The following EGFR variants were observed in gnomAD, a reference collection of about 807,000 sequenced individuals.
EGFR encodes the protein epidermal growth factor receptor.
Under a neutral mutation model 143.0 loss-of-function variants are expected in EGFR, and 58 were observed. That is an observed-to-expected ratio of 0.41 (90% CI 0.33 to 0.50). The LOEUF is 0.50. Among genes scored for constraint, EGFR ranks in the 20% least tolerant of loss-of-function variants. EGFR has a pLI of 0.39. For synonymous variants in EGFR, 613 were observed against 594.4 expected, an observed-to-expected ratio of 1.03 and a Z score of -0.45; for missense variants, 1,307 against 1,579.0, an observed-to-expected ratio of 0.83 and a Z score of 2.92.
chr7:55,110,218 C>T (rs1052510703), intron 1 of EGFR, among the ~76,000 whole-genome samples: 4 of 152,218 alleles, frequency 2.6e-5, no homozygotes, highest in Non-Finnish European at 1.5e-5. Context: ...AGATTTAAAA[C>T]AGCATAATGG....
chr7:55,029,682 A>G (rs749298688), intron 1 of EGFR, among the ~76,000 whole-genome samples: 144 of 152,166 alleles, frequency 9.5e-4, no homozygotes, highest in Non-Finnish European at 1.8e-3. Flanking sequence ...TGGTGTTGTT[A>G]AGGGAGTTTT....
chr7:55,117,980 A>G (rs1792970702), intron 1 of EGFR, among the ~76,000 whole-genome samples: 1 of 152,210 alleles, frequency 6.6e-6, no homozygotes, highest in African/African-American at 2.4e-5. Flanking sequence ...GGGAATCCAG[A>G]CCAGAGTAGG....
At chr7:55,079,210 G>A (rs1790319955) in intron 1 of EGFR, among the ~76,000 whole-genome samples, 2 of 152,078 alleles carry the variant, frequency 1.3e-5, no homozygotes, top group South Asian at 2.1e-4. Context: ...GATGGGGAAG[G>A]AAAGGTCAGA....
intron 1 of EGFR, among the ~76,000 whole-genome samples, chr7:55,116,247 A>G (rs2128910663): frequency 6.6e-6 from 1 of 152,310 alleles, no homozygotes; most frequent in South Asian, 2.1e-4. Flanking sequence ...CCAGGCCTTC[A>G]CACCTTCTCT....
At chr7:55,090,777 C>G (rs116657547) in intron 1 of EGFR, among the ~76,000 whole-genome samples, 2,285 of 152,248 alleles carry the variant, frequency 0.015, 62 homozygotes, top group African/African-American at 0.052. Flanking sequence ...CATCTTTCTT[C>G]TAAAGACAAT....
intron 1 of EGFR, among the ~76,000 whole-genome samples, chr7:55,050,087 T>C (rs1788401246): frequency 6.6e-6 from 1 of 152,230 alleles, no homozygotes; most frequent in African/African-American, 2.4e-5. Flanking sequence ...TGGCAAAATA[T>C]ACACAACATA....
At chr7:55,166,298 A>G (rs1016672149) in intron 15 of EGFR, 1 of 576,616 alleles carries the variant, frequency 1.7e-6, no homozygotes, top group Admixed American at 2.0e-5. Flanking sequence ...GCTGTCATAT[A>G]GTAGTTCACA....
Position 55,138,502 on chromosome 7 carries a change from A to T in EGFR, c.89-3784A>T, listed in dbSNP as rs74761470. On this transcript the variant is annotated intron_variant, in intron 1 of 27. Transcript: ENST00000275493. The stretch of plus-strand genomic sequence containing the variant: ...TTTCTTCTTTCTTTTCTGGTTTGAT[A>T]AATATTCTATAAAGTAACTGTGTTT... Among the ~76,000 whole-genome samples the T allele has an allele frequency of 8.5e-5, 13 of 152,322 alleles. No homozygotes were observed. In the East Asian group the frequency reaches 2.3e-3, roughly 27 times the overall value.
intron 19 of EGFR, chr7:55,180,045 T>A (rs1786789480): frequency 6.6e-6 from 1 of 152,452 alleles, no homozygotes; most frequent in Admixed American, 6.5e-5. Flanking sequence ...TCCTGTCTCC[T>A]ATCTCCACCC....
chr7:55,175,814 T>C (rs538292451), intron 19 of EGFR, among the ~76,000 whole-genome samples: 1 of 152,332 alleles, frequency 6.6e-6, no homozygotes, highest in East Asian at 1.9e-4. Flanking sequence ...TGTCTTAAGA[T>C]ACAATTTTTT....
chr7:55,091,891 C>CACACACACACA (rs1562706309), intron 1 of EGFR, among the ~76,000 whole-genome samples: 7 of 135,362 alleles, frequency 5.2e-5, no homozygotes, highest in South Asian at 2.3e-4. Context: ...CACACACACA[C>CACACACACACA]CCTGAGAGAG....
At chr7:55,098,732 T>C (rs577161054) in intron 1 of EGFR, among the ~76,000 whole-genome samples, 25 of 152,374 alleles carry the variant, frequency 1.6e-4, no homozygotes, top group African/African-American at 5.8e-4. Flanking sequence ...ATCAAACAGA[T>C]AGTAAGAACA....
chr7:55,020,717 A>G (rs1786514169), intron 1 of EGFR, among the ~76,000 whole-genome samples: 1 of 151,924 alleles, frequency 6.6e-6, no homozygotes, highest in Non-Finnish European at 1.5e-5. Context: ...GTTTAATTGC[A>G]CAATTCCAAC....
chr7:55,205,162 T>C, intron 27 of EGFR, 94 bp from the exon 28 acceptor site: 1 of 1,553,170 alleles, frequency 6.4e-7, no homozygotes, highest in African/African-American at 1.4e-5. Flanking sequence ...ATAAGTCTCC[T>C]TGTTGAGGAC....
At chr7:55,144,758 C>T (rs1794667603) in intron 3 of EGFR, among the ~76,000 whole-genome samples, 1 of 152,130 alleles carries the variant, frequency 6.6e-6, no homozygotes, top group South Asian at 2.1e-4. Flanking sequence ...GCAGCCTGTG[C>T]GGGTGCCTGG....
intron 27 of EGFR, among the ~76,000 whole-genome samples, chr7:55,204,899 CCA>C (rs1459601696): frequency 6.7e-6 from 1 of 150,044 alleles, no homozygotes; most frequent in Non-Finnish European, 1.5e-5. Flanking sequence ...CACACATACA[CCA>C]CACACACGGT....
intron 1 of EGFR, among the ~76,000 whole-genome samples, chr7:55,100,491 G>A (rs1476745588): frequency 6.6e-6 from 1 of 152,244 alleles, no homozygotes; most frequent in Admixed American, 6.5e-5. Flanking sequence ...AGGGAGAAAT[G>A]TCTGCAGGAA....
At chr7:55,093,179 A>C (rs190725221) in intron 1 of EGFR, among the ~76,000 whole-genome samples, 1 of 152,354 alleles carries the variant, frequency 6.6e-6, no homozygotes, top group African/African-American at 2.4e-5. Flanking sequence ...GGTTCCTTCC[A>C]GCGCCTAAGC....
At chr7:55,148,263 G>T (rs985517255) in intron 4 of EGFR, among the ~76,000 whole-genome samples, 1 of 152,088 alleles carries the variant, frequency 6.6e-6, no homozygotes, top group Non-Finnish European at 1.5e-5. Flanking sequence ...AGGTTAAACT[G>T]TGCACATTTT....
Sources: gnomAD v4.1 joint callset for allele counts (sites outside exome capture counted in the v4.1 genomes callset) on GRCh38, gnomAD v4.1.1 for gene constraint, MANE v1.5 for transcripts, NCBI Gene and HGNC (gene_info 2026-07-23, HGNC 2026-07-21) for gene names.